The following KLHL20 variants were observed in gnomAD, a reference collection of about 807,000 sequenced individuals.
KLHL20 encodes the protein kelch like family member 20, also known as kelch-like protein 20.
A neutral mutation model predicts 69.5 loss-of-function variants in KLHL20; 29 were observed. The observed-to-expected ratio is 0.42, with a 90% CI of 0.31 to 0.57. The LOEUF (loss-of-function observed/expected upper bound fraction) is 0.57, where lower values mean the gene tolerates loss of function less well. Ranked by LOEUF, KLHL20 falls within the 20% of genes least tolerant of loss-of-function variation. KLHL20 has a pLI of 0.18. For synonymous variants in KLHL20, 253 were observed against 265.2 expected (o/e 0.95, Z 0.45); for missense variants, 419 against 776.0 (o/e 0.54, Z 5.47).
At chr1:173,762,255 A>G (rs1434534759) in intron 7 of KLHL20, among the ~76,000 whole-genome samples, 1 of 152,184 alleles carries the variant, frequency 6.6e-6, no homozygotes, top group Non-Finnish European at 1.5e-5. Flanking sequence ...AAAAAAGTCC[A>G]GGACCAGACG....
In KLHL20 at chr1:173,757,142, T is replaced by C. The variant is rs1558208438; in HGVS notation, c.1134T>C (p.Tyr378=). ...TAGGAGGCCATGATGGATCCTCTTA[T>C]CTCAATAGTGTTGAAAGGTGAGTAA... The part of the protein sequence containing the change: ...YAVGGHDGSS[Y]LNSVERYDPK... The change falls in exon 7 of 12, where the codon TAT becomes TAC. Residue 378 remains tyrosine, a synonymous_variant. Coordinates refer to ENST00000209884, the MANE Select transcript of KLHL20 (RefSeq NM_014458.4). 2 of 1,613,192 alleles carry C rather than the reference T, an allele frequency of 1.2e-6. No individual in the cohort carries two copies. Among genetic ancestry groups the C allele is most frequent in the Non-Finnish European group, 8.5e-7 (1 of 1,179,274 alleles).
intron 3 of KLHL20, among the ~76,000 whole-genome samples, chr1:173,744,241 T>C (rs1351513246): frequency 1.3e-5 from 2 of 152,164 alleles, no homozygotes; most frequent in Non-Finnish European, 2.9e-5. Context: ...TCTCTGAAAA[T>C]AACTAAAGTT....
At position 173,766,904 on chromosome 1, in the gene KLHL20, T is replaced by A. The variant is rs116887901; in HGVS notation, c.1295+615T>A. 2.2e-3 allele frequency among the ~76,000 whole-genome samples: 330 copies of A among 152,366 alleles called. 13 individuals carry two copies. In the East Asian group the frequency reaches 0.056, roughly 26 times the overall value. ...ACTAACATATTATCTCACATACTTA[T>A]GATTTATTTGTGGTGAGAACACTTA... On this transcript the variant is annotated intron_variant, in intron 8 of 11. Transcript: ENST00000209884.
chr1:173,750,066 C>T (rs1416423863), intron 3 of KLHL20, among the ~76,000 whole-genome samples: 2 of 152,050 alleles, frequency 1.3e-5, no homozygotes, highest in Non-Finnish European at 2.9e-5. Flanking sequence ...CGCCCTACCA[C>T]AGAGAAAAAA....
At chr1:173,775,597 T>C in intron 9 of KLHL20, 37 bp from the exon 10 acceptor site, 1 of 1,562,792 alleles carries the variant, frequency 6.4e-7, no homozygotes, top group Non-Finnish European at 8.8e-7. Context: ...GAGGAAATGG[T>C]TGAATGCTCA....
chr1:173,740,123 CTT>C (rs377138582), intron 3 of KLHL20, among the ~76,000 whole-genome samples: 33 of 122,154 alleles, frequency 2.7e-4, no homozygotes, highest in Admixed American at 3.3e-4. Flanking sequence ...TTTCTTTTTT[CTT>C]TTTTTTTTTT....
intron 10 of KLHL20, among the ~76,000 whole-genome samples, chr1:173,776,881 C>T (rs1648508212): frequency 6.6e-6 from 1 of 151,998 alleles, no homozygotes; most frequent in South Asian, 2.1e-4. Flanking sequence ...TCTTGTTGCT[C>T]AAGATAGCTT....
At position 173,778,508 on chromosome 1, in the gene KLHL20, G is replaced by GTT. The variant is rs397943152; in HGVS notation, c.1638+2675_1638+2676dup. 9.7e-4 allele frequency among the ~76,000 whole-genome samples: 142 copies of GTT among 146,840 alleles called. 6 individuals carry two copies. In the South Asian group the frequency reaches 0.025, roughly 26 times the overall value. ...CATGCCCAGCTAATTTTTGTTTTTT[G>GTT]TTTTTTTTTTGGTAGAGTTGGGGTT... On this transcript the variant is annotated intron_variant, in intron 10 of 11. Transcript: ENST00000209884.
intron 3 of KLHL20, among the ~76,000 whole-genome samples, chr1:173,740,961 G>T (rs1201475002): frequency 6.6e-6 from 1 of 152,132 alleles, no homozygotes; most frequent in East Asian, 1.9e-4. Flanking sequence ...GTCAGAAATG[G>T]CTTCCCTAGG....
rs569823520 is a variant in KLHL20, at chr1:173,720,893, A to C, written c.23+4827A>C. Among the ~76,000 whole-genome samples, 295 of 152,312 alleles carry C rather than the reference A, an allele frequency of 1.9e-3. 1 individual carries two copies. Among genetic ancestry groups the C allele is most frequent in the African/African-American group, 6.7e-3 (277 of 41,572 alleles). ...ATACTTTAAGATTATTGTGTTTAGG[A>C]AACAGCCAGGTGGAGATATCCAGCA... On this transcript the variant is annotated intron_variant, in intron 2 of 11. Coordinates refer to ENST00000209884, the MANE Select transcript of KLHL20 (RefSeq NM_014458.4).
At chr1:173,777,486 T>C (rs936345695) in intron 10 of KLHL20, among the ~76,000 whole-genome samples, 8 of 152,220 alleles carry the variant, frequency 5.3e-5, no homozygotes, top group Non-Finnish European at 1.0e-4. Flanking sequence ...CCTGTCTTGT[T>C]CTAGATCTTA....
chr1:173,733,643 A>C (rs1672387854), intron 2 of KLHL20, 70 bp from the exon 3 acceptor site: 1 of 1,282,404 alleles, frequency 7.8e-7, no homozygotes, highest in South Asian at 1.5e-5. Flanking sequence ...TTGAATTACA[A>C]ACATTTAAGG....
At chr1:173,766,375 T>C in intron 8 of KLHL20, 86 bp downstream of exon 8, 6 of 1,271,662 alleles carry the variant, frequency 4.7e-6, no homozygotes, top group Non-Finnish European at 6.4e-6. Context: ...TTGGGCGTGG[T>C]GGCTCACACC....
At chr1:173,782,278 T>G in intron 11 of KLHL20, 48 bp downstream of exon 11, 1 of 1,397,834 alleles carries the variant, frequency 7.2e-7, no homozygotes, top group Non-Finnish European at 1.0e-6. Context: ...GATTTGGAAA[T>G]CATGGGCTTG....
chr1:173,730,333 T>A (rs1302225610), intron 2 of KLHL20, among the ~76,000 whole-genome samples: 2 of 152,084 alleles, frequency 1.3e-5, no homozygotes, highest in Non-Finnish European at 2.9e-5. Flanking sequence ...CCCATCAAGC[T>A]ACCAATGACT....
intron 7 of KLHL20, among the ~76,000 whole-genome samples, chr1:173,763,897 TTAAAC>T (rs1240789404): frequency 2.1e-5 from 3 of 145,540 alleles, no homozygotes; most frequent in South Asian, 2.1e-4. Context: ...TGGGACCTAA[TTAAAC>T]TAAAGAGCTG....
chr1:173,723,540 C>G (rs1485131583), intron 2 of KLHL20, among the ~76,000 whole-genome samples: 2 of 152,206 alleles, frequency 1.3e-5, no homozygotes, highest in African/African-American at 4.8e-5. Context: ...TCAGGAGACT[C>G]CTTTTACACT....
chr1:173,777,297 T>A (rs1648533231), intron 10 of KLHL20, among the ~76,000 whole-genome samples: 1 of 152,238 alleles, frequency 6.6e-6, no homozygotes. Flanking sequence ...TTATCTGTTC[T>A]AATAGCTTTT....
Position 173,751,760 on chromosome 1 carries a change from A to G in KLHL20, c.598-4A>G. On this transcript the variant is annotated splice_region_variant and splice_polypyrimidine_tract_variant and intron_variant, in intron 3 of 11. Coordinates refer to ENST00000209884, the MANE Select transcript of KLHL20 (RefSeq NM_014458.4). ...TTTTTTTCTTCTTACCTAACTTTGA[A>G]CAGGTAATGGAGAGTGAAGAGTTCA... 6.2e-7 allele frequency: 1 copy of G among 1,612,934 alleles called. No individual in the cohort carries two copies. The highest frequency in any genetic ancestry group is 8.5e-7 in the Non-Finnish European group (1 of 1,179,368).
Sources: allele counts gnomAD v4.1 joint callset (sites outside exome capture counted in the v4.1 genomes callset), GRCh38; gene constraint gnomAD v4.1.1; transcripts MANE v1.5; gene names NCBI Gene and HGNC (gene_info 2026-07-23, HGNC 2026-07-21).